FBXL18: variants seen among roughly 807,000 people sequenced by gnomAD.
The protein encoded by FBXL18 is F-box/LRR-repeat protein 18.
FBXL18 carries 36 observed loss-of-function variants against 46.0 expected under a neutral mutation model. That is an observed-to-expected ratio of 0.78 (90% confidence interval 0.60 to 1.03). The LOEUF is 1.03. Ranked by LOEUF, FBXL18 falls within the 50% of genes least tolerant of loss-of-function variation. The pLI, the probability that FBXL18 is intolerant of heterozygous loss-of-function variation, is 0.00. For missense variants in FBXL18, 977 were observed against 1,004.1 expected (o/e 0.97, Z 0.36); for synonymous variants, 557 against 465.3 (o/e 1.20, Z -2.54).
At position 5,480,287 on chromosome 7, in the gene FBXL18, C is replaced by T. The variant is rs1216377143; in HGVS notation, c.*1488G>A. Among the ~76,000 whole-genome samples, 2 of 152,222 alleles carry T rather than the reference C, an allele frequency of 1.3e-5. No homozygotes were observed. The highest frequency in any genetic ancestry group is 3.9e-4 in the East Asian group (2 of 5,182). On this transcript the variant is annotated 3_prime_UTR_variant, in exon 5 of 5. Coordinates refer to ENST00000382368, the MANE Select transcript of FBXL18 (RefSeq NM_024963.6). ...GGGCGGCGGTCCAGGCTAGCAGGGC[C>T]CAACTACAGCCCCCTTTGGAAGCCA... is the stretch of plus-strand genomic sequence containing the variant.
intron 4 of FBXL18, chr7:5,489,358 G>T: frequency 1.9e-6 from 1 of 517,498 alleles, no homozygotes; most frequent in East Asian, 5.5e-5. Context: ...ATGTTGGCCA[G>T]GCGTTGTGGC....
chr7:5,463,728 A>ATTTTTTTT lies in FBXL18; in HGVS notation c.2001-15893_2001-15886dup, dbSNP rs552002078. Among the ~76,000 whole-genome samples, 184 of 53,002 alleles carry ATTTTTTTT rather than the reference A, an allele frequency of 3.5e-3. 5 individuals are homozygous for ATTTTTTTT. The highest frequency in any genetic ancestry group is 6.4e-3 in the Admixed American group (22 of 3,462). 34.8% of individuals were successfully genotyped at this position (53,002 alleles called of 152,430 possible). A position where few individuals can be genotyped will look rare whatever the true frequency, so the allele number is the denominator to read the frequency against. On this transcript the variant is annotated intron_variant and NMD_transcript_variant, in intron 4 of 6. Transcript: ENST00000415009. ...TATTTATTTATTTATTTATTTATTTATTTTTTTTTTTTTTTTTTTTTTTTT... is the reference window on the plus strand; with the variant it reads ...TATTTATTTATTTATTTATTTATTTATTTTTTTTTTTTTTTTTTTTTTTTTTTTTTTTT...
chr7:5,462,969 A>AAAAT (rs1228941773), intron 4 of FBXL18, among the ~76,000 whole-genome samples: 2 of 15,680 alleles, frequency 1.3e-4, no homozygotes, highest in Non-Finnish European at 2.6e-4. Flanking sequence ...AAAAAAAAAA[A>AAAAT]ATATATATAT....
intron 4 of FBXL18, among the ~76,000 whole-genome samples, chr7:5,465,595 C>A (rs1047848280): frequency 1.3e-5 from 2 of 151,982 alleles, no homozygotes; most frequent in Non-Finnish European, 2.9e-5. Flanking sequence ...CCACCTCACA[C>A]CACTGCACTC....
intron 1 of FBXL18, among the ~76,000 whole-genome samples, chr7:5,505,884 G>C (rs375752430): frequency 2.0e-5 from 3 of 152,194 alleles, no homozygotes; most frequent in Admixed American, 6.6e-5. Context: ...TTTGTTGTGA[G>C]ACAGAAGTTT....
chr7:5,469,391 A>G (rs556394717), intron 4 of FBXL18, among the ~76,000 whole-genome samples: 2 of 152,332 alleles, frequency 1.3e-5, no homozygotes, highest in East Asian at 3.9e-4. Flanking sequence ...CAGCCTGGGT[A>G]ACAGGGCAAG....
At chr7:5,471,088 T>C (rs1194979396), downstream of FBXL18, among the ~76,000 whole-genome samples, 2 of 152,172 alleles carry the variant, frequency 1.3e-5, no homozygotes, top group East Asian at 3.9e-4. Context: ...CCCGACTTCA[T>C]CTGCAAAGCA....
At chr7:5,484,616 C>T (rs2128234425) in intron 4 of FBXL18, among the ~76,000 whole-genome samples, 1 of 150,774 alleles carries the variant, frequency 6.6e-6, no homozygotes, top group African/African-American at 2.4e-5. Flanking sequence ...ACCACAGGCA[C>T]ACATCACCAC....
intron 4 of FBXL18, among the ~76,000 whole-genome samples, chr7:5,484,881 C>A: frequency 6.6e-6 from 1 of 152,076 alleles, no homozygotes; most frequent in East Asian, 1.9e-4. Flanking sequence ...TCAAGTGATC[C>A]ACCCGCCTCA....
chr7:5,511,468 T>C (rs920250997), intron 1 of FBXL18, among the ~76,000 whole-genome samples: 46 of 151,898 alleles, frequency 3.0e-4, no homozygotes, highest in Non-Finnish European at 6.2e-4. Context: ...AATGCGGACG[T>C]AGTGGCACGC....
intron 3 of FBXL18, chr7:5,495,749 G>A: frequency 2.1e-6 from 1 of 468,930 alleles, no homozygotes; most frequent in East Asian, 7.0e-5. Flanking sequence ...GGGCAAGCGA[G>A]TGCCACCTGC....
In FBXL18 at chr7:5,455,375, G is replaced by C. The variant is rs896002687; in HGVS notation, c.2001-7532C>G. On this transcript the variant is annotated intron_variant and NMD_transcript_variant, in intron 4 of 6. Transcript: ENST00000415009. The surrounding 1 kb of genome is among the most constrained non-coding windows in gnomAD (Gnocchi z 4.6). Reference sequence around the variant, plus strand: ...CATTCTCAGGCCACATACTTGGGGAGCACCCTCAGGGAAGTACTCTAGGGA... The same window carrying C: ...CATTCTCAGGCCACATACTTGGGGACCACCCTCAGGGAAGTACTCTAGGGA... Among the ~76,000 whole-genome samples, 8 of 152,044 alleles carry C rather than the reference G, an allele frequency of 5.3e-5. No homozygotes were observed. Among genetic ancestry groups the C allele is most frequent in the African/African-American group, 1.9e-4 (8 of 41,400 alleles).
Position 5,501,478 on chromosome 7 carries a change from G to A in FBXL18, c.791C>T (p.Ala264Val). Residue 264 changes from alanine (A) to valine (V), a missense_variant, in exon 3 of 5, where the codon GCC becomes GTC. Transcript: ENST00000382368. ...LSDRTPQNLHAFLISVPGSFA... is the reference protein window; with the variant it reads ...LSDRTPQNLHVFLISVPGSFA... ...GCTGCCAGGGACGGAGATGAGGAAG[G>A]CGTGGAGGTTCTGAGGAGTGCGGTC... is the stretch of plus-strand genomic sequence containing the variant. 2 of 1,613,920 alleles carry A rather than the reference G, an allele frequency of 1.2e-6. No individual in the cohort carries two copies. Among genetic ancestry groups the A allele is most frequent in the South Asian group, 2.2e-5 (2 of 91,084 alleles).
rs1216623601 is a variant in FBXL18, at chr7:5,508,805, C to A, written c.19-3175G>T. Among the ~76,000 whole-genome samples the A allele has an allele frequency of 2.0e-5, 3 of 152,202 alleles. No homozygotes were observed. In the East Asian group the frequency reaches 5.8e-4, roughly 29 times the overall value. Reference sequence around the variant, plus strand: ...ATCAAGGAATGAACTGTACCCCTCCCAATTCCCAGTTTGCAGATTTATGAA... The same window carrying A: ...ATCAAGGAATGAACTGTACCCCTCCAAATTCCCAGTTTGCAGATTTATGAA... On this transcript the variant is annotated intron_variant, in intron 1 of 4. Transcript: ENST00000382368.
downstream of FBXL18, among the ~76,000 whole-genome samples, chr7:5,473,591 G>T (rs763143190): frequency 5.4e-4 from 82 of 151,502 alleles, no homozygotes; most frequent in Non-Finnish European, 1.2e-3. Context: ...GTGAAACCCC[G>T]TCTCTACTAA....
chr7:5,501,729 C>G lies in FBXL18; in HGVS notation c.540G>C (p.Leu180=). 1 of 1,575,086 alleles carries G rather than the reference C, an allele frequency of 6.3e-7. No homozygotes were observed. The highest frequency in any genetic ancestry group is 8.6e-7 in the Non-Finnish European group (1 of 1,159,922). Reference sequence around the variant, plus strand: ...GCACCACGCCGTAGGAGGGAGTGAACAGCGTCTGCTTGAGCTCCCGCACGC... The same window carrying G: ...GCACCACGCCGTAGGAGGGAGTGAAGAGCGTCTGCTTGAGCTCCCGCACGC... The part of the protein sequence containing the change: ...LSRVRELKQT[L]FTPSYGVVPC... Residue 180 remains leucine, a synonymous_variant, in exon 3 of 5, where the codon CTG becomes CTC. Coordinates refer to ENST00000382368, the MANE Select transcript of FBXL18 (RefSeq NM_024963.6).
downstream of FBXL18, among the ~76,000 whole-genome samples, chr7:5,475,623 C>T (rs1208173812): frequency 1.3e-5 from 2 of 152,196 alleles, no homozygotes; most frequent in East Asian, 1.9e-4. The surrounding 1 kb of genome is among the most constrained non-coding windows in gnomAD (Gnocchi z 4.2). Flanking sequence ...GTCTGCCCCC[C>T]GCTTTGGGTC....
At chr7:5,509,846 G>A (rs967329863) in intron 1 of FBXL18, among the ~76,000 whole-genome samples, 3 of 152,036 alleles carry the variant, frequency 2.0e-5, no homozygotes, top group African/African-American at 7.2e-5. Flanking sequence ...AGCTCGAATG[G>A]GCCCCCACCC....
intron 2 of FBXL18, among the ~76,000 whole-genome samples, chr7:5,503,392 G>A (rs888031155): frequency 6.6e-6 from 1 of 152,166 alleles, no homozygotes; most frequent in Non-Finnish European, 1.5e-5. Flanking sequence ...TCATTCTGTT[G>A]TCCAGGCTGG....
Sources: gnomAD v4.1 joint callset for allele counts (sites outside exome capture counted in the v4.1 genomes callset) on GRCh38, gnomAD v4.1.1 for gene constraint, Gnocchi (gnomAD v3.1) non-coding constraint, MANE v1.5 for transcripts, NCBI Gene and HGNC (gene_info 2026-07-23, HGNC 2026-07-21) for gene names.